ZNF765: variants seen among roughly 807,000 people sequenced by gnomAD.
ZNF765 encodes the protein zinc finger protein 765.
A neutral mutation model predicts 44.7 loss-of-function variants in ZNF765; 37 were observed. The ratio of observed to expected loss-of-function variants is 0.83; its 90% CI spans 0.64 to 1.09. The LOEUF (loss-of-function observed/expected upper bound fraction) is 1.09, where lower values mean the gene tolerates loss of function less well. ZNF765 is among the 50% of genes least tolerant of loss of function. The pLI, the probability that ZNF765 is intolerant of heterozygous loss-of-function variation, is 0.00. For synonymous variants in ZNF765, 201 were observed against 213.7 expected (o/e 0.94, Z 0.52); for missense variants, 594 against 626.1 (o/e 0.95, Z 0.55).
chr19:53,405,125 G>A (rs2085761941), intron 3 of ZNF765, among the ~76,000 whole-genome samples: 2 of 152,130 alleles, frequency 1.3e-5, no homozygotes, highest in Admixed American at 6.6e-5. Context: ...GCCGAGAGGG[G>A]CAGATCACCT....
chr19:53,401,925 C>T (rs188647871), intron 2 of ZNF765, 140 bp from the exon 3 acceptor site: 56 of 1,567,368 alleles, frequency 3.6e-5, no homozygotes, highest in South Asian at 5.6e-5. Flanking sequence ...AGACAAAATG[C>T]GGTGAAAAAT....
chr19:53,395,432 T>C (rs1258293478), intron 1 of ZNF765, among the ~76,000 whole-genome samples: 1 of 152,236 alleles, frequency 6.6e-6, no homozygotes, highest in Non-Finnish European at 1.5e-5. Flanking sequence ...TTCTATCACG[T>C]AGTTTTCCTG....
intron 3 of ZNF765, among the ~76,000 whole-genome samples, chr19:53,404,496 A>C (rs1412359597): frequency 2.0e-5 from 3 of 151,996 alleles, no homozygotes; most frequent in Admixed American, 2.0e-4. Flanking sequence ...TCTGTCACCC[A>C]GGCTGGAGTG....
chr19:53,401,456 G>A (rs544160840), intron 2 of ZNF765, among the ~76,000 whole-genome samples: 15 of 152,206 alleles, frequency 9.9e-5, no homozygotes, highest in South Asian at 4.1e-4. Flanking sequence ...CCAGCTACTC[G>A]GGAGGCTGAG....
At position 53,408,086 on chromosome 19, in the gene ZNF765, C is replaced by T. The variant is rs373335832; in HGVS notation, c.531C>T (p.Ala177=). ...ACGATGCTTCCTTGGTTTCAACAGCCCAAAGAATTTCTTGTAGGCCTGAAA... is the reference window on the plus strand; with the variant it reads ...ACGATGCTTCCTTGGTTTCAACAGCTCAAAGAATTTCTTGTAGGCCTGAAA... ...SIHDASLVST[A]QRISCRPETH... is the part of the protein sequence containing the mutation. The change falls in exon 4 of 4, where the codon GCC becomes GCT. Residue 177 remains alanine (A), a synonymous_variant. Coordinates refer to ENST00000396408, the MANE Select transcript of ZNF765 (RefSeq NM_001040185.3). 1 of 1,614,100 alleles carries T rather than the reference C, an allele frequency of 6.2e-7. No homozygotes were observed. Among genetic ancestry groups the T allele is most frequent in the African/African-American group, 1.3e-5 (1 of 75,020 alleles).
chr19:53,404,164 A>G (rs1340077705), intron 3 of ZNF765, among the ~76,000 whole-genome samples: 1 of 152,146 alleles, frequency 6.6e-6, no homozygotes, highest in Non-Finnish European at 1.5e-5. Flanking sequence ...TCCAACCTCC[A>G]ACTCCCAGGT....
At chr19:53,399,821 T>C (rs1225605492) in intron 2 of ZNF765, among the ~76,000 whole-genome samples, 5 of 152,188 alleles carry the variant, frequency 3.3e-5, no homozygotes, top group African/African-American at 1.2e-4. Context: ...TTTTTATTTA[T>C]TTATTTTTTT....
chr19:53,414,243 A>AAAAAAAC (rs2085855609), downstream of ZNF765, among the ~76,000 whole-genome samples: 1 of 149,594 alleles, frequency 6.7e-6, no homozygotes, highest in African/African-American at 2.5e-5. Flanking sequence ...TCCATCTCAA[A>AAAAAAAC]AAAAAAAAAA....
intron 3 of ZNF765, 57 bp downstream of exon 3, chr19:53,402,248 C>CTTT (rs72582439): frequency 2.0e-4 from 255 of 1,260,320 alleles, no homozygotes; most frequent in South Asian, 1.4e-3. Flanking sequence ...ATTTTCTCTC[C>CTTT]TTTTTTTTTT....
chr19:53,407,146 G>A (rs1210781430), intron 3 of ZNF765, among the ~76,000 whole-genome samples: 2 of 152,016 alleles, frequency 1.3e-5, no homozygotes, highest in African/African-American at 4.8e-5. Flanking sequence ...CCATGAGTAC[G>A]TGGGACTAAA....
chr19:53,418,630 C>T (rs1470633275), intron 3 of ZNF765, among the ~76,000 whole-genome samples: 1 of 152,008 alleles, frequency 6.6e-6, no homozygotes, highest in African/African-American at 2.4e-5. Flanking sequence ...GGCATCGGGG[C>T]TCATGCCCGT....
chr19:53,422,255 G>A (rs1347074591), intron 3 of ZNF765, among the ~76,000 whole-genome samples: 1 of 152,198 alleles, frequency 6.6e-6, no homozygotes, highest in Admixed American at 6.5e-5. Flanking sequence ...TGACAGTAGA[G>A]CATGGTGGTT....
In ZNF765 at chr19:53,407,842, A is replaced by C. The variant is rs759517702; in HGVS notation, c.287A>C (p.Asp96Ala). The C allele has an allele frequency of 1.2e-6, 2 of 1,613,502 alleles. No individual in the cohort carries two copies. Among genetic ancestry groups the C allele is most frequent in the Non-Finnish European group, 1.7e-6 (2 of 1,179,862 alleles). The change falls in exon 4 of 4, where the codon GAC (aspartate) becomes GCC (alanine). Residue 96 changes from aspartate to alanine, a missense_variant. Asp to Ala is a moderately radical substitution (Grantham distance 126). Transcript: ENST00000396408. Reference sequence around the variant, plus strand: ...CAGGATATTGATAAAGATATTCATGACATTGAGTTTCAGTGGCAAGAAGAT... The same window carrying C: ...CAGGATATTGATAAAGATATTCATGCCATTGAGTTTCAGTGGCAAGAAGAT... ...CFQDIDKDIH[D>A]IEFQWQEDER...
At chr19:53,415,615 A>G (rs189566310), downstream of ZNF765, among the ~76,000 whole-genome samples, 9 of 152,316 alleles carry the variant, frequency 5.9e-5, no homozygotes, top group East Asian at 9.7e-4. Context: ...AGTTTACTAC[A>G]GCACTCATTT....
rs370068367 is a variant in ZNF765, at chr19:53,407,689, A to C, written c.143-9A>C. On this transcript the variant is annotated splice_polypyrimidine_tract_variant and intron_variant, in intron 3 of 3. Coordinates refer to ENST00000396408, the MANE Select transcript of ZNF765 (RefSeq NM_001040185.3). Reference sequence around the variant, plus strand: ...TAATTTGAAACCTTTTGGTGTGTATACTTTTTAGATATCTCTTCCAAATGC... The same window carrying C: ...TAATTTGAAACCTTTTGGTGTGTATCCTTTTTAGATATCTCTTCCAAATGC... The C allele has an allele frequency of 1.0e-5, 16 of 1,533,352 alleles. No homozygotes were observed. The highest frequency in any genetic ancestry group is 1.4e-5 in the Non-Finnish European group (16 of 1,143,076). The allele number at this position is 1,533,352 out of a possible 1,614,324, so 95.0% of individuals were successfully genotyped here.
At chr19:53,406,659 A>C (rs1432969270) in intron 3 of ZNF765, among the ~76,000 whole-genome samples, 1 of 152,238 alleles carries the variant, frequency 6.6e-6, no homozygotes, top group Non-Finnish European at 1.5e-5. Flanking sequence ...TCACGCCTGC[A>C]ATCCCAGGAC....
At chr19:53,412,098 C>G (rs2085838964), downstream of ZNF765, 4 of 275,146 alleles carry the variant, frequency 1.5e-5, no homozygotes, top group South Asian at 1.0e-4. Context: ...AGCACTCTTG[C>G]ATCATGTGAG....
In ZNF765 at chr19:53,408,333, C is replaced by T. The variant is rs201509403; in HGVS notation, c.778C>T (p.Arg260Cys). The T allele has an allele frequency of 3.1e-5, 50 of 1,614,172 alleles. No individual in the cohort carries two copies. Among genetic ancestry groups the T allele is most frequent in the African/African-American group, 2.9e-4 (22 of 75,056 alleles). ...CTTTAATTCGAAGCGATACGTTGCA[C>T]GCCATCGTAGATGTCACACTGGTGA... ...KVFNSKRYVA[R>C]HRRCHTGEKP... Residue 260 changes from arginine (R) to cysteine (C), a missense_variant, in exon 4 of 4, where the codon CGC becomes TGC. By Grantham distance (180) the Arg-to-Cys change is radical. Coordinates refer to ENST00000396408, the MANE Select transcript of ZNF765 (RefSeq NM_001040185.3).
Position 53,409,776 on chromosome 19 carries a change from T to G in ZNF765, c.*649T>G, listed in dbSNP as rs1337334343. ...CATCATAGACTTCATACTGGAGAGA[T>G]ACCTTAAAAGTGTAGTGAGTGTGGC... On this transcript the variant is annotated 3_prime_UTR_variant, in exon 4 of 4. Coordinates refer to ENST00000396408, the MANE Select transcript of ZNF765 (RefSeq NM_001040185.3). 6 of 806,748 alleles carry G rather than the reference T, an allele frequency of 7.4e-6. No homozygotes were observed. The highest frequency in any genetic ancestry group is 5.1e-5 in the African/African-American group (3 of 58,726). The allele number at this position is 806,748 out of a possible 1,614,324, so 50.0% of individuals were successfully genotyped here.
Sources: allele counts gnomAD v4.1 joint callset (sites outside exome capture counted in the v4.1 genomes callset), GRCh38; gene constraint gnomAD v4.1.1; transcripts MANE v1.5; gene names NCBI Gene and HGNC (gene_info 2026-07-23, HGNC 2026-07-21).